The following ST18 variants were observed in gnomAD, a reference collection of about 807,000 sequenced individuals.
ST18 encodes the protein ST18 C2H2C-type zinc finger transcription factor.
ST18 carries 50 observed loss-of-function variants against 110.0 expected under a neutral mutation model. That is an observed-to-expected ratio of 0.45 (90% CI 0.36 to 0.58). ST18 has a LOEUF of 0.58. Ranked by LOEUF, ST18 falls within the 20% of genes least tolerant of loss-of-function variation. The pLI, the probability that ST18 is intolerant of heterozygous loss-of-function variation, is 0.00. For synonymous variants in ST18, 461 were observed against 452.4 expected (o/e 1.02, Z -0.24); for missense variants, 1,306 against 1,280.1 (o/e 1.02, Z -0.31).
chr8:52,161,301 CT>C (rs2061395326), intron 14 of ST18, 73 bp downstream of exon 14: 17 of 1,490,312 alleles, frequency 1.1e-5, no homozygotes, highest in South Asian at 1.3e-5. Flanking sequence ...GTACAGCCCC[CT>C]GGCCCCCAGT....
chr8:52,363,750 C>T (rs1826719630), intron 2 of ST18, among the ~76,000 whole-genome samples: 1 of 151,426 alleles, frequency 6.6e-6, no homozygotes, highest in Non-Finnish European at 1.5e-5. Flanking sequence ...TTTTTTTTTC[C>T]TAGGGTTATA....
At chr8:52,379,170 C>T (rs929577057) in intron 2 of ST18, among the ~76,000 whole-genome samples, 6 of 150,640 alleles carry the variant, frequency 4.0e-5, no homozygotes, top group African/African-American at 7.3e-5. Flanking sequence ...TCAATCTCAG[C>T]CACTGCAACC....
chr8:52,245,051 A>G (rs1052214728), intron 2 of ST18, among the ~76,000 whole-genome samples: 1 of 152,074 alleles, frequency 6.6e-6, no homozygotes, highest in African/African-American at 2.4e-5. Flanking sequence ...ACATATTTCA[A>G]TCTCACCTCA....
intron 2 of ST18, among the ~76,000 whole-genome samples, chr8:52,389,782 T>C (rs1439985328): frequency 6.6e-6 from 1 of 152,122 alleles, no homozygotes; most frequent in Non-Finnish European, 1.5e-5. Flanking sequence ...AGCTGCTCTC[T>C]GAAGAGCCAG....
chr8:52,178,092 C>T (rs1486807437), intron 9 of ST18, among the ~76,000 whole-genome samples: 1 of 152,114 alleles, frequency 6.6e-6, no homozygotes, highest in African/African-American at 2.4e-5. Flanking sequence ...AATATATTCA[C>T]TTGGTTCATA....
chr8:52,133,198 A>G, intron 20 of ST18, 41 bp downstream of exon 20: 1 of 1,614,150 alleles, frequency 6.2e-7, no homozygotes, highest in Non-Finnish European at 8.5e-7. Context: ...ACTGCTGCCG[A>G]CAAGCTCATT....
intron 2 of ST18, among the ~76,000 whole-genome samples, chr8:52,360,268 A>G (rs181910812): frequency 1.0e-3 from 159 of 152,246 alleles, no homozygotes; most frequent in African/African-American, 3.7e-3. Flanking sequence ...TTTAAAATGC[A>G]TGTTTATATT....
chr8:52,159,594 A>AT (rs1378521292), intron 14 of ST18, among the ~76,000 whole-genome samples: 11 of 152,310 alleles, frequency 7.2e-5, no homozygotes, highest in African/African-American at 2.2e-4. Flanking sequence ...ATGGAATTGT[A>AT]TTTTTATTAT....
At position 52,165,208 on chromosome 8, in the gene ST18, T is replaced by C. The variant is rs2062562787; in HGVS notation, c.1222A>G (p.Asn408Asp). The change falls in exon 12 of 26, where the codon AAT (asparagine) becomes GAT (aspartate). Residue 408 changes from asparagine to aspartate, a missense_variant. Physicochemically the swap from Asn to Asp is conservative, Grantham distance 23 (BLOSUM62 1). Coordinates refer to ENST00000689386, the MANE Select transcript of ST18 (RefSeq NM_001352837.2). Reference protein sequence around the residue: ...VPLEILAMHENVLKCPTPGCT... With the variant: ...VPLEILAMHEDVLKCPTPGCT... ...CCCGGCGTGGGACACTTGAGCACAT[T>C]TTCATGCATGGCAAGAACTAAGCAC... The C allele has an allele frequency of 1.2e-6, 2 of 1,614,080 alleles. No individual in the cohort carries two copies. The highest frequency in any genetic ancestry group is 1.7e-6 in the Non-Finnish European group (2 of 1,180,034).
intron 2 of ST18, among the ~76,000 whole-genome samples, chr8:52,381,978 A>AAAC (rs1834738168): frequency 1.3e-5 from 2 of 151,326 alleles, no homozygotes; most frequent in African/African-American, 2.4e-5. Flanking sequence ...AAAAAACAAA[A>AAAC]AAAAACAAAA....
At chr8:52,388,340 C>A (rs914757413) in intron 2 of ST18, among the ~76,000 whole-genome samples, 1 of 152,062 alleles carries the variant, frequency 6.6e-6, no homozygotes, top group African/African-American at 2.4e-5. Flanking sequence ...CCACACCCAA[C>A]GTGAGTCCCC....
At chr8:52,231,168 T>C (rs1326259172) in intron 2 of ST18, among the ~76,000 whole-genome samples, 1 of 152,238 alleles carries the variant, frequency 6.6e-6, no homozygotes, top group African/African-American at 2.4e-5. Flanking sequence ...TGCATATATA[T>C]ACAATTTATT....
chr8:52,285,012 C>G (rs1482671329), intron 2 of ST18, among the ~76,000 whole-genome samples: 1 of 152,158 alleles, frequency 6.6e-6, no homozygotes, highest in Non-Finnish European at 1.5e-5. Flanking sequence ...AAGGACATTC[C>G]TAACTATACG....
chr8:52,377,676 T>G (rs548584739), intron 2 of ST18, among the ~76,000 whole-genome samples: 1 of 152,298 alleles, frequency 6.6e-6, no homozygotes, highest in East Asian at 1.9e-4. Flanking sequence ...GTACAACCAC[T>G]ATGGAGAACA....
chr8:52,335,824 C>T (rs1038458133), intron 2 of ST18, among the ~76,000 whole-genome samples: 30 of 152,164 alleles, frequency 2.0e-4, no homozygotes, highest in African/African-American at 7.0e-4. Context: ...TTAATTCATT[C>T]TCCATACTGC....
chr8:52,357,529 T>C (rs1012183372), intron 2 of ST18, among the ~76,000 whole-genome samples: 11 of 150,944 alleles, frequency 7.3e-5, no homozygotes, highest in East Asian at 1.9e-4. Flanking sequence ...ATGATTTTAC[T>C]ATAGAAATGT....
intron 2 of ST18, among the ~76,000 whole-genome samples, chr8:52,375,932 C>A (rs1331012156): frequency 5.3e-5 from 8 of 152,134 alleles, no homozygotes; most frequent in Non-Finnish European, 1.2e-4. Flanking sequence ...TAGGAAGGAG[C>A]CTTGCATCTA....
chr8:52,168,169 A>G (rs1045836985), intron 10 of ST18, among the ~76,000 whole-genome samples: 1 of 150,514 alleles, frequency 6.6e-6, no homozygotes, highest in Non-Finnish European at 1.5e-5. Flanking sequence ...GAGAAGATGC[A>G]CAGGAGCCCT....
At chr8:52,202,134 T>A (rs553322400) in intron 8 of ST18, among the ~76,000 whole-genome samples, 65 of 152,212 alleles carry the variant, frequency 4.3e-4, no homozygotes, top group African/African-American at 1.4e-3. Flanking sequence ...TTCTTAAAAA[T>A]ACAAGTAAAG....
Sources: gnomAD v4.1 joint callset for allele counts (sites outside exome capture counted in the v4.1 genomes callset) on GRCh38, gnomAD v4.1.1 for gene constraint, MANE v1.5 for transcripts, NCBI Gene and HGNC (gene_info 2026-07-23, HGNC 2026-07-21) for gene names.